ZNF260: variants seen among roughly 807,000 people sequenced by gnomAD.
The protein encoded by ZNF260 is zfp-260.
ZNF260 carries 21 observed loss-of-function variants against 29.3 expected under a neutral mutation model. That is an observed-to-expected ratio of 0.72 (90% CI 0.51 to 1.03). The LOEUF (loss-of-function observed/expected upper bound fraction) is 1.03. Among genes scored for constraint, ZNF260 ranks in the 50% least tolerant of loss-of-function variants. The pLI, the probability that ZNF260 is intolerant of heterozygous loss-of-function variation, is 0.00. For missense variants in ZNF260, 465 were observed against 487.8 expected, an observed-to-expected ratio of 0.95 and a Z score of 0.44; for synonymous variants, 156 against 156.8, an observed-to-expected ratio of 0.99 and a Z score of 0.04.
intron 2 of ZNF260, among the ~76,000 whole-genome samples, chr19:36,519,718 C>A (rs764163443): frequency 6.6e-6 from 1 of 152,028 alleles, no homozygotes; most frequent in Non-Finnish European, 1.5e-5. Context: ...AAAAACCCAA[C>A]ACATAGAAAT....
Position 36,514,587 on chromosome 19 carries a change from T to C in ZNF260, c.652A>G (p.Lys218Glu), listed in dbSNP as rs763179621. 2.5e-6 allele frequency: 4 copies of C among 1,614,166 alleles called. No individual in the cohort carries two copies. In the Admixed American group the frequency reaches 6.7e-5, roughly 27 times the overall value. The change falls in exon 3 of 3, where the codon AAA becomes GAA. Residue 218 changes from lysine (K) to glutamate (E), a missense_variant. Lys to Glu is a moderately conservative substitution (Grantham distance 56). Transcript: ENST00000523638. ...CCACACCCTTTACATTCATAAGGTT[T>C]CTCTCCAGTATGGATTCTCTGATGT... ...IIHQRIHTGEKPYECKGCGKA... is the reference protein window; with the variant it reads ...IIHQRIHTGEEPYECKGCGKA...
intron 2 of ZNF260, among the ~76,000 whole-genome samples, chr19:36,522,493 C>T (rs2034663030): frequency 6.6e-6 from 1 of 151,928 alleles, no homozygotes; most frequent in African/African-American, 2.4e-5. Context: ...AAAAAAACAC[C>T]ACAAGGTTGG....
intron 2 of ZNF260, among the ~76,000 whole-genome samples, chr19:36,522,306 A>T (rs1287175623): frequency 6.6e-6 from 1 of 151,922 alleles, no homozygotes; most frequent in African/African-American, 2.4e-5. Context: ...AATACAAAAA[A>T]TTAGCTGGGC....
chr19:36,513,602 TTGA>T lies in ZNF260; in HGVS notation c.*395_*397del. On this transcript the variant is annotated 3_prime_UTR_variant, in exon 3 of 3. Coordinates refer to ENST00000523638, the MANE Select transcript of ZNF260 (RefSeq NM_001166037.2). ...ATGACTGCTTCAACAACAAATAATTTTGATGATTCTAGTTTTACAATTCATATA... is the reference window on the plus strand; with the variant it reads ...ATGACTGCTTCAACAACAAATAATTTTGATTCTAGTTTTACAATTCATATA... The T allele has an allele frequency of 2.4e-6, 1 of 408,286 alleles. No individual in the cohort carries two copies. Among genetic ancestry groups the T allele is most frequent in the African/African-American group, 2.0e-5 (1 of 48,896 alleles). 25.3% of individuals were successfully genotyped at this position (408,286 alleles called of 1,614,324 possible).
intron 2 of ZNF260, among the ~76,000 whole-genome samples, chr19:36,519,468 G>A (rs1357756884): frequency 6.6e-6 from 1 of 152,092 alleles, no homozygotes; most frequent in East Asian, 1.9e-4. Flanking sequence ...AACCCCGTTA[G>A]TAACTGAGAA....
rs778007819 is a variant in ZNF260, at chr19:36,514,124, A to G, written c.1115T>C (p.Phe372Ser). Residue 372 changes from phenylalanine to serine, a missense_variant, in exon 3 of 3, where the codon TTC (phenylalanine) becomes TCC (serine). Phe to Ser is a radical substitution (Grantham distance 155). Transcript: ENST00000523638. ...CNECGKAFSQ[F>S]STLALHMRIH... ...TCTCATGTGCAGAGCAAGGGTTGAG[A>G]ACTGAGAAAAGGCTTTCCCACATTC... is the stretch of plus-strand genomic sequence containing the variant. The G allele has an allele frequency of 6.2e-7, 1 of 1,613,922 alleles. No individual in the cohort carries two copies. Among genetic ancestry groups the G allele is most frequent in the South Asian group, 1.1e-5 (1 of 91,076 alleles).
Position 36,511,503 on chromosome 19 carries a change from T to G in ZNF260, c.*2497A>C, listed in dbSNP as rs2034451813. 6.6e-6 allele frequency: 1 copy of G among 151,366 alleles called. No individual in the cohort carries two copies. Among genetic ancestry groups the G allele is most frequent in the Non-Finnish European group, 1.5e-5 (1 of 67,918 alleles). The allele number at this position is 151,366 out of a possible 1,614,324, so 9.4% of individuals were successfully genotyped here. ...TCCGTCTCTACTAAAAATACAAAAT[T>G]AGCCGGGCATGGTGGCGCATGCCTG... is the stretch of plus-strand genomic sequence containing the variant. On this transcript the variant is annotated 3_prime_UTR_variant, in exon 3 of 3. Transcript: ENST00000523638.
chr19:36,512,561 C>CAT lies in ZNF260; in HGVS notation c.*1437_*1438dup, dbSNP rs1418996150. The CAT allele has an allele frequency of 6.6e-6, 1 of 152,128 alleles. No individual in the cohort carries two copies. Among genetic ancestry groups the CAT allele is most frequent in the Non-Finnish European group, 1.5e-5 (1 of 68,002 alleles). 9.4% of individuals were successfully genotyped at this position (152,128 alleles called of 1,614,324 possible). On this transcript the variant is annotated 3_prime_UTR_variant, in exon 3 of 3. Coordinates refer to ENST00000523638, the MANE Select transcript of ZNF260 (RefSeq NM_001166037.2). ...TCCACTTTTGGGAACTGAGTATATA[C>CAT]ATATCCTTTCAATCCATTCTTTAGT...
chr19:36,524,517 GTTTT>G (rs61184857), intron 2 of ZNF260, among the ~76,000 whole-genome samples: 4 of 90,970 alleles, frequency 4.4e-5, no homozygotes, highest in Admixed American at 1.1e-4. Flanking sequence ...TTACATGCTA[GTTTT>G]TTTTTTTTTT....
Position 36,515,050 on chromosome 19 carries a change from C to A in ZNF260, c.189G>T (p.Val63=). The part of the protein sequence containing the change: ...KSHECTECGK[V]CSRVSSLTLH... Reference sequence around the variant, plus strand: ...GAGTAAGAGATGAGACTCGAGAGCACACTTTACCACATTCAGTGCATTCAT... The same window carrying A: ...GAGTAAGAGATGAGACTCGAGAGCAAACTTTACCACATTCAGTGCATTCAT... Residue 63 remains valine, a synonymous_variant, in exon 3 of 3, where the codon GTG becomes GTT. Transcript: ENST00000523638. 1 of 1,614,074 alleles carries A rather than the reference C, an allele frequency of 6.2e-7. No homozygotes were observed. The highest frequency in any genetic ancestry group is 8.5e-7 in the Non-Finnish European group (1 of 1,180,002).
Position 36,514,194 on chromosome 19 carries a change from C to T in ZNF260, c.1045G>A (p.Val349Met). 6.8e-6 allele frequency: 11 copies of T among 1,613,872 alleles called. No homozygotes were observed. Among genetic ancestry groups the T allele is most frequent in the Non-Finnish European group, 9.3e-6 (11 of 1,179,926 alleles). The part of the protein sequence containing the change: ...KAFCQSSSLT[V>M]HMRSHTGEKP... ...TCACCTGTATGGCTTCTCATATGCA[C>T]AGTAAGAGATGAGCTTTGACAGAAG... Residue 349 changes from valine (V) to methionine (M), a missense_variant, in exon 3 of 3, where the codon GTG becomes ATG. Val to Met is a conservative substitution (Grantham distance 21). Coordinates refer to ENST00000523638, the MANE Select transcript of ZNF260 (RefSeq NM_001166037.2).
At chr19:36,522,321 T>G (rs2034659834) in intron 2 of ZNF260, among the ~76,000 whole-genome samples, 6 of 151,748 alleles carry the variant, frequency 4.0e-5, no homozygotes, top group Admixed American at 3.9e-4. Context: ...CTGGGCGTGG[T>G]GACATGTTCC....
chr19:36,513,774 T>C lies in ZNF260; in HGVS notation c.*226A>G. On this transcript the variant is annotated 3_prime_UTR_variant, in exon 3 of 3. Coordinates refer to ENST00000523638, the MANE Select transcript of ZNF260 (RefSeq NM_001166037.2). ...GACTAGATCCTAACTTTAATGAGTA[T>C]ACTCCTAGAAGTACAGCATTGATAA... The C allele has an allele frequency of 1.7e-6, 1 of 571,648 alleles. No individual in the cohort carries two copies. The highest frequency in any genetic ancestry group is 2.6e-5 in the South Asian group (1 of 39,044). 35.4% of individuals were successfully genotyped at this position (571,648 alleles called of 1,614,324 possible). A position where few individuals can be genotyped will look rare whatever the true frequency, so the allele number is the denominator to read the frequency against.
intron 2 of ZNF260, among the ~76,000 whole-genome samples, chr19:36,521,693 GTAGTGAGCCAAGATTGTGCCAC>G (rs1312154113): frequency 6.6e-6 from 1 of 152,066 alleles, no homozygotes; most frequent in African/African-American, 2.4e-5. Context: ...GGCAGACATT[GTAGTGAGCCAAGATTGTGCCAC>G]TGCACTCCAG....
At chr19:36,526,469 G>C (rs944367138) in intron 1 of ZNF260, among the ~76,000 whole-genome samples, 1 of 152,148 alleles carries the variant, frequency 6.6e-6, no homozygotes, top group Non-Finnish European at 1.5e-5. Flanking sequence ...GAACCCAGGA[G>C]GCAGAGGTGG....
At position 36,511,743 on chromosome 19, in the gene ZNF260, T is replaced by G. The variant is rs2034455594; in HGVS notation, c.*2257A>C. ...AATTCTCAAAAAGATTTGCTTCAAA[T>G]AAGAGAACACTGTTTAGGTGGAAGA... On this transcript the variant is annotated 3_prime_UTR_variant, in exon 3 of 3. Coordinates refer to ENST00000523638, the MANE Select transcript of ZNF260 (RefSeq NM_001166037.2). The G allele has an allele frequency of 6.6e-6, 1 of 152,092 alleles. No individual in the cohort carries two copies. Among genetic ancestry groups the G allele is most frequent in the Admixed American group, 6.6e-5 (1 of 15,262 alleles). 9.4% of individuals were successfully genotyped at this position (152,092 alleles called of 1,614,324 possible).
chr19:36,514,939 A>G lies in ZNF260; in HGVS notation c.300T>C (p.Ser100=). The part of the protein sequence containing the change: ...KAFSQKENFL[S]HQKHHTGEKP... ...TCTCTCCAGTGTGATGTTTCTGATG[A>G]GAAAGGAAGTTTTCCTTCTGGCTGA... Residue 100 remains serine (S), a synonymous_variant, in exon 3 of 3, where the codon TCT becomes TCC. Transcript: ENST00000523638. The G allele has an allele frequency of 6.2e-7, 1 of 1,613,722 alleles. No homozygotes were observed. The highest frequency in any genetic ancestry group is 1.7e-4 in the Middle Eastern group (1 of 6,058).
rs80254552 is a variant in ZNF260 at position 36,514,138 on chromosome 19, T to C, written c.1101A>G (p.Lys367=). The change falls in exon 3 of 3, where the codon AAA becomes AAG. Residue 367 remains lysine (K), a synonymous_variant. Transcript: ENST00000523638. ...CAAGGGTTGAGAACTGAGAAAAGGC[T>C]TTCCCACATTCATTACAACCATAGG... ...EKPYGCNECG[K]AFSQFSTLAL... 2,778 of 1,614,090 alleles carry C rather than the reference T, an allele frequency of 1.7e-3. 29 individuals carry two copies. The African/African-American group carries it at 0.029, about 17-fold the overall frequency.
chr19:36,527,201 A>G (rs897302787), intron 1 of ZNF260, among the ~76,000 whole-genome samples: 12 of 152,358 alleles, frequency 7.9e-5, no homozygotes, highest in African/African-American at 2.9e-4. Flanking sequence ...TGTTGCTGAT[A>G]GGAGTACTTA....
Sources: allele counts gnomAD v4.1 joint callset (sites outside exome capture counted in the v4.1 genomes callset), GRCh38; gene constraint gnomAD v4.1.1; transcripts MANE v1.5; gene names NCBI Gene and HGNC (gene_info 2026-07-23, HGNC 2026-07-21).